Variants in RASGRP1 observed in about 807,000 individuals in gnomAD.
RASGRP1 encodes the protein RAS guanyl releasing protein 1, also known as RAS guanyl-releasing protein 1.
In RASGRP1, 37 loss-of-function variants were observed where a neutral mutation model predicts 95.1. The observed-to-expected ratio is 0.39, with a 90% CI of 0.30 to 0.51. RASGRP1 has a LOEUF of 0.51. RASGRP1 is among the 20% of genes least tolerant of loss of function. The probability of loss-of-function intolerance (pLI) is 0.80; values close to 1 mark genes in which losing one functional copy is unlikely to be tolerated. For synonymous variants in RASGRP1, 325 were observed against 353.4 expected (o/e 0.92, Z 0.90); for missense variants, 711 against 965.4 (o/e 0.74, Z 3.49).
intron 3 of RASGRP1, among the ~76,000 whole-genome samples, chr15:38,522,761 C>T (rs1892049464): frequency 6.6e-6 from 1 of 152,036 alleles, no homozygotes; most frequent in Non-Finnish European, 1.5e-5. Flanking sequence ...AAGGGTTTCT[C>T]AGAGAGCTAC....
chr15:38,501,026 G>C lies in RASGRP1; in HGVS notation c.1683+117C>G, dbSNP rs1179263762. The C allele has an allele frequency of 2.5e-6, 3 of 1,205,294 alleles. No homozygotes were observed. In the African/African-American group the frequency reaches 4.6e-5, roughly 18 times the overall value. The allele number at this position is 1,205,294 out of a possible 1,614,324, so 74.7% of individuals were successfully genotyped here. ...GCTTGAGCTCTAGGTTATTCTAGGT[G>C]TCTGTCTGGGCTCCAAGCTGGGATG... On this transcript the variant is annotated intron_variant, in intron 13 of 16. Coordinates refer to ENST00000310803, the MANE Select transcript of RASGRP1 (RefSeq NM_005739.4).
chr15:38,564,685 CG>C lies in RASGRP1; in HGVS notation c.-58del. On this transcript the variant is annotated 5_prime_UTR_variant, in exon 1 of 17. Transcript: ENST00000310803. ...CCTAGCGCGGCCGGGCGCGGCGCAT[CG>C]CCCCCGCCACCACCGCCGCCGCCTG... 1 of 1,206,912 alleles carries C rather than the reference CG, an allele frequency of 8.3e-7. No homozygotes were observed. The highest frequency in any genetic ancestry group is 4.0e-5 in the South Asian group (1 of 25,232). 74.8% of individuals were successfully genotyped at this position (1,206,912 alleles called of 1,614,324 possible).
At chr15:38,553,570 C>G (rs567341306) in intron 2 of RASGRP1, among the ~76,000 whole-genome samples, 1 of 152,156 alleles carries the variant, frequency 6.6e-6, no homozygotes, top group East Asian at 1.9e-4. Flanking sequence ...AGTAGACCCT[C>G]CCAGCACCAT....
chr15:38,511,490 T>G, intron 8 of RASGRP1, 114 bp downstream of exon 8: 1 of 759,168 alleles, frequency 1.3e-6, no homozygotes, highest in Non-Finnish European at 2.2e-6. Context: ...CTTAGCCTGG[T>G]TGACAAGGGA....
intron 2 of RASGRP1, among the ~76,000 whole-genome samples, chr15:38,536,325 C>T (rs1421467952): frequency 6.6e-6 from 1 of 152,174 alleles, no homozygotes; most frequent in East Asian, 1.9e-4. Context: ...CTGCCAGCAG[C>T]TTGCTGGGAG....
chr15:38,526,343 T>C lies in RASGRP1; in HGVS notation c.282A>G (p.Arg94=). 1 of 1,613,346 alleles carries C rather than the reference T, an allele frequency of 6.2e-7. No individual in the cohort carries two copies. The highest frequency in any genetic ancestry group is 1.1e-5 in the South Asian group (1 of 91,068). ...GCAGTTCTGCAGAGGAGATGACAAT[T>C]CGGTGCATGGTCAGCATGACTTGCA... is the stretch of plus-strand genomic sequence containing the variant. ...QLLQVMLTMH[R]IVISSAELLQ... is the part of the protein sequence containing the mutation. Residue 94 remains arginine (R), a synonymous_variant, in exon 3 of 17, where the codon CGA becomes CGG. Coordinates refer to ENST00000310803, the MANE Select transcript of RASGRP1 (RefSeq NM_005739.4).
chr15:38,510,196 G>A (rs1192989029), intron 8 of RASGRP1, among the ~76,000 whole-genome samples: 1 of 152,232 alleles, frequency 6.6e-6, no homozygotes, highest in Non-Finnish European at 1.5e-5. Flanking sequence ...AAGCACTGCT[G>A]TGGGGGGACC....
At chr15:38,560,873 A>G (rs184741515) in intron 1 of RASGRP1, among the ~76,000 whole-genome samples, 16 of 152,334 alleles carry the variant, frequency 1.1e-4, no homozygotes, top group Admixed American at 2.6e-4. Context: ...ATGGACTTTC[A>G]TCTACTCACA....
At chr15:38,497,765 C>G (rs117069255) in intron 15 of RASGRP1, among the ~76,000 whole-genome samples, 1,707 of 152,312 alleles carry the variant, frequency 0.011, 20 homozygotes, top group Non-Finnish European at 0.019. Flanking sequence ...CAAACATACT[C>G]AAAGTCATTT....
In RASGRP1 at chr15:38,492,055, C is replaced by T. The variant is rs369962723; in HGVS notation, c.2260-1367G>A. Among the ~76,000 whole-genome samples, 26 of 152,196 alleles carry T rather than the reference C, an allele frequency of 1.7e-4. 2 individuals carry two copies. The highest frequency in any genetic ancestry group is 1.6e-3 in the Admixed American group (24 of 15,286). ...AATGTCTGGGACTGAAAACACAAAT[C>T]TTTGCCTCCAAGACCAAAGTTCTTT... On this transcript the variant is annotated intron_variant, in intron 16 of 16. Transcript: ENST00000310803.
chr15:38,498,665 T>C, intron 15 of RASGRP1, 129 bp downstream of exon 15: 1 of 1,159,248 alleles, frequency 8.6e-7, no homozygotes, highest in Non-Finnish European at 1.2e-6. Flanking sequence ...GTGGGAGGGG[T>C]CAGCCCTGGC....
At chr15:38,515,980 C>T (rs1336549725) in intron 6 of RASGRP1, among the ~76,000 whole-genome samples, 2 of 150,362 alleles carry the variant, frequency 1.3e-5, no homozygotes, top group African/African-American at 2.5e-5. Context: ...TGGTATGGGG[C>T]GGGGGCATGG....
intron 6 of RASGRP1, among the ~76,000 whole-genome samples, chr15:38,513,448 G>A (rs895496726): frequency 4.6e-5 from 7 of 152,188 alleles, no homozygotes; most frequent in African/African-American, 1.7e-4. Context: ...AAGATAATGT[G>A]TGAAAGCTTT....
chr15:38,511,786 G>A, intron 7 of RASGRP1, 66 bp from the exon 8 acceptor site: 1 of 1,232,722 alleles, frequency 8.1e-7, no homozygotes, highest in Non-Finnish European at 1.2e-6. Flanking sequence ...GAGCTTAGAG[G>A]CTGCCTCTTG....
chr15:38,555,433 G>T (rs1382005980), intron 2 of RASGRP1, among the ~76,000 whole-genome samples: 1 of 152,200 alleles, frequency 6.6e-6, no homozygotes, highest in African/African-American at 2.4e-5. Context: ...GATTGCAGAA[G>T]AGTGGGCACC....
At chr15:38,533,297 G>A (rs984627023) in intron 2 of RASGRP1, among the ~76,000 whole-genome samples, 4 of 152,150 alleles carry the variant, frequency 2.6e-5, no homozygotes, top group African/African-American at 4.8e-5. Context: ...GTAAGGCTGA[G>A]GTTGATAATG....
chr15:38,562,508 C>CT lies in RASGRP1; in HGVS notation c.35+2085dup, dbSNP rs1893851990. Among the ~76,000 whole-genome samples the CT allele has an allele frequency of 2.6e-5, 4 of 152,246 alleles. No homozygotes were observed. The South Asian group carries it at 8.3e-4, about 32-fold the overall frequency. The stretch of plus-strand genomic sequence containing the variant: ...CTCTACACCTGGGGCTACATAGCCA[C>CT]TGCTGGGATTACTCAGCTTTCTGCC... On this transcript the variant is annotated intron_variant, in intron 1 of 16. Coordinates refer to ENST00000310803, the MANE Select transcript of RASGRP1 (RefSeq NM_005739.4).
intron 3 of RASGRP1, among the ~76,000 whole-genome samples, chr15:38,520,924 T>G (rs1891977220): frequency 6.6e-6 from 1 of 152,166 alleles, no homozygotes; most frequent in African/African-American, 2.4e-5. Context: ...ATAAAATGAC[T>G]TCTAGTTTTA....
At chr15:38,531,339 T>C (rs1213767968) in intron 2 of RASGRP1, among the ~76,000 whole-genome samples, 2 of 152,184 alleles carry the variant, frequency 1.3e-5, no homozygotes, top group Admixed American at 6.5e-5. Context: ...TTCGTCAGGA[T>C]AAGGAATTCA....
Sources: allele counts gnomAD v4.1 joint callset (sites outside exome capture counted in the v4.1 genomes callset), GRCh38; gene constraint gnomAD v4.1.1; transcripts MANE v1.5; gene names NCBI Gene and HGNC (gene_info 2026-07-23, HGNC 2026-07-21).